MTMR7: variants seen among roughly 807,000 people sequenced by gnomAD.
The protein encoded by MTMR7 is myotubularin related protein 7.
A neutral mutation model predicts 81.2 loss-of-function variants in MTMR7; 76 were observed. The observed-to-expected ratio is 0.94, with a 90% CI of 0.78 to 1.13. MTMR7 has a LOEUF of 1.13. Among genes scored for constraint, MTMR7 ranks in the 50% most tolerant of loss-of-function variants. The probability of loss-of-function intolerance (pLI) is 0.00; values close to 1 mark genes in which losing one functional copy is unlikely to be tolerated. For synonymous variants in MTMR7, 372 were observed against 289.8 expected, an observed-to-expected ratio of 1.28 and a Z score of -2.88; for missense variants, 1,044 against 820.0, an observed-to-expected ratio of 1.27 and a Z score of -3.34.
At chr8:17,331,952 G>C (rs1022807793) in intron 6 of MTMR7, among the ~76,000 whole-genome samples, 1 of 152,166 alleles carries the variant, frequency 6.6e-6, no homozygotes, top group African/African-American at 2.4e-5. Flanking sequence ...GGGTCTCCAA[G>C]TGCAAACTAG....
At chr8:17,393,976 T>C (rs956765061) in intron 1 of MTMR7, among the ~76,000 whole-genome samples, 1 of 152,136 alleles carries the variant, frequency 6.6e-6, no homozygotes, top group Non-Finnish European at 1.5e-5. Flanking sequence ...AGCTACCAGG[T>C]ACATGCAACT....
chr8:17,370,013 T>TCTCGCTA (rs1820364677), intron 3 of MTMR7, among the ~76,000 whole-genome samples: 2 of 151,994 alleles, frequency 1.3e-5, no homozygotes, highest in South Asian at 4.2e-4. Context: ...AAGAAACACT[T>TCTCGCTA]CTGTAGAAGC....
At chr8:17,308,641 G>A (rs538847159) in intron 10 of MTMR7, among the ~76,000 whole-genome samples, 1 of 152,274 alleles carries the variant, frequency 6.6e-6, no homozygotes, top group African/African-American at 2.4e-5. Context: ...GATTCAAAGA[G>A]TAGAGAACAC....
chr8:17,362,066 G>A (rs1820077744), intron 3 of MTMR7, among the ~76,000 whole-genome samples: 1 of 151,912 alleles, frequency 6.6e-6, no homozygotes, highest in Admixed American at 6.6e-5. Context: ...GCCATTTAAG[G>A]GAAGTGTAGA....
At chr8:17,394,611 G>T (rs1280801173) in intron 1 of MTMR7, among the ~76,000 whole-genome samples, 1 of 152,116 alleles carries the variant, frequency 6.6e-6, no homozygotes, top group African/African-American at 2.4e-5. Context: ...TACATAGAGA[G>T]TAGTGATGGT....
chr8:17,320,684 A>G (rs1818337788), intron 7 of MTMR7, among the ~76,000 whole-genome samples: 1 of 152,232 alleles, frequency 6.6e-6, no homozygotes, highest in African/African-American at 2.4e-5. Flanking sequence ...AAAACTGAGC[A>G]AGCTCGGCCC....
chr8:17,346,971 G>C lies in MTMR7; in HGVS notation c.597+1982C>G, dbSNP rs568680366. On this transcript the variant is annotated intron_variant, in intron 5 of 13. Coordinates refer to ENST00000180173, the MANE Select transcript of MTMR7 (RefSeq NM_004686.5). Reference sequence around the variant, plus strand: ...GCACTTTGGGAGGCCGAGGCAGGCAGATCACTTGAGCACAGGAGCTCAAGA... The same window carrying C: ...GCACTTTGGGAGGCCGAGGCAGGCACATCACTTGAGCACAGGAGCTCAAGA... 1.0e-4 allele frequency among the ~76,000 whole-genome samples: 15 copies of C among 149,652 alleles called. No individual in the cohort carries two copies. In the East Asian group the frequency reaches 2.8e-3, roughly 28 times the overall value.
At chr8:17,311,422 G>A (rs1214072030) in intron 9 of MTMR7, 89 bp downstream of exon 9, 3 of 1,549,294 alleles carry the variant, frequency 1.9e-6, no homozygotes, top group East Asian at 2.3e-5. Flanking sequence ...ATGCTGGCAA[G>A]AAAACAGCAG....
At chr8:17,394,916 T>C (rs1385228271) in intron 1 of MTMR7, among the ~76,000 whole-genome samples, 2 of 152,142 alleles carry the variant, frequency 1.3e-5, no homozygotes, top group African/African-American at 2.4e-5. Context: ...TTTTTTTAAA[T>C]GTCACAAAAT....
intron 12 of MTMR7, among the ~76,000 whole-genome samples, chr8:17,303,077 CAG>C (rs1817233772): frequency 2.6e-5 from 4 of 152,140 alleles, no homozygotes; most frequent in African/African-American, 4.8e-5. Context: ...GGTGTTATCA[CAG>C]AGTTACCCTT....
intron 1 of MTMR7, among the ~76,000 whole-genome samples, chr8:17,405,625 A>C (rs915424977): frequency 3.9e-5 from 6 of 152,178 alleles, no homozygotes; most frequent in African/African-American, 1.4e-4. Flanking sequence ...AAGGCTGTTC[A>C]CTATAAAATC....
At position 17,372,950 on chromosome 8, in the gene MTMR7, T is replaced by C. The variant is rs1363448531; in HGVS notation, c.147+168A>G. 1.5e-5 allele frequency: 10 copies of C among 678,384 alleles called. No individual in the cohort carries two copies. The South Asian group carries it at 1.5e-4, about 10-fold the overall frequency. 42.0% of individuals were successfully genotyped at this position (678,384 alleles called of 1,614,324 possible). A position where few individuals can be genotyped will look rare whatever the true frequency, so the allele number is the denominator to read the frequency against. On this transcript the variant is annotated intron_variant, in intron 2 of 13. Transcript: ENST00000180173. ...TGTTTAAAATGAATAGTCGATCAAG[T>C]AGATACGACTGCACAGAAAAAGTCC...
At chr8:17,331,707 G>T (rs1344121744) in intron 6 of MTMR7, among the ~76,000 whole-genome samples, 1 of 152,168 alleles carries the variant, frequency 6.6e-6, no homozygotes. Context: ...ATATCTTCTA[G>T]TATTAGATTG....
intron 1 of MTMR7, among the ~76,000 whole-genome samples, chr8:17,376,924 T>G (rs1466280884): frequency 1.3e-5 from 2 of 152,122 alleles, no homozygotes; most frequent in African/African-American, 4.8e-5. Context: ...TTCCTAATCT[T>G]TAAAGGAGTC....
Position 17,305,766 on chromosome 8 carries a change from C to T in MTMR7, c.1343G>A (p.Arg448Gln), listed in dbSNP as rs781567821. The change falls in exon 11 of 14, where the codon CGA becomes CAA. Residue 448 changes from arginine to glutamine, a missense_variant. Transcript: ENST00000180173. ...NFLCNSQKER[R>Q]ELKIQERTYS... ...ACACCAAAACACTTACTTGAGTTCT[C>T]GTCTCTCCTTTTGGCTGTTACATAG... is the stretch of plus-strand genomic sequence containing the variant. 4.0e-5 allele frequency: 64 copies of T among 1,609,736 alleles called. No homozygotes were observed. The highest frequency in any genetic ancestry group is 4.7e-5 in the Non-Finnish European group (55 of 1,176,572).
intron 1 of MTMR7, among the ~76,000 whole-genome samples, chr8:17,382,245 C>G (rs1029091224): frequency 3.3e-5 from 5 of 152,190 alleles, no homozygotes; most frequent in African/African-American, 1.2e-4. Context: ...GTTCTGGTCC[C>G]AAAGGACTGT....
chr8:17,323,253 A>T (rs141417288), intron 7 of MTMR7, among the ~76,000 whole-genome samples: 2,850 of 152,106 alleles, frequency 0.019, 42 homozygotes, highest in Non-Finnish European at 0.03. Flanking sequence ...AGCCAACAGA[A>T]TTATCTTGAT....
At chr8:17,321,678 A>T (rs745855919) in intron 7 of MTMR7, among the ~76,000 whole-genome samples, 15 of 152,196 alleles carry the variant, frequency 9.9e-5, no homozygotes, top group Non-Finnish European at 1.9e-4. Context: ...TTGTTGCCAA[A>T]CCCAAACCAA....
chr8:17,407,370 G>C (rs930251631), intron 1 of MTMR7, among the ~76,000 whole-genome samples: 1 of 152,050 alleles, frequency 6.6e-6, no homozygotes, highest in Non-Finnish European at 1.5e-5. Context: ...AAGAAACATA[G>C]TCTATATTCT....
Sources: allele counts gnomAD v4.1 joint callset (sites outside exome capture counted in the v4.1 genomes callset), GRCh38; gene constraint gnomAD v4.1.1; transcripts MANE v1.5; gene names NCBI Gene and HGNC (gene_info 2026-07-23, HGNC 2026-07-21).